Variants in LRCH3 observed in about 807,000 individuals in gnomAD.
The protein encoded by LRCH3 is DISP complex protein LRCH3.
LRCH3 carries 68 observed loss-of-function variants against 104.5 expected under a neutral mutation model. The observed-to-expected ratio is 0.65, with a 90% CI of 0.54 to 0.80. The LOEUF is 0.80. LRCH3 is among the 30% of genes least tolerant of loss of function. The probability of loss-of-function intolerance (pLI) is 0.00; values close to 1 mark genes in which losing one functional copy is unlikely to be tolerated. For synonymous variants in LRCH3, 344 were observed against 361.3 expected, an observed-to-expected ratio of 0.95 and a Z score of 0.54; for missense variants, 951 against 953.9, an observed-to-expected ratio of 1.00 and a Z score of 0.04.
chr3:197,816,793 G>T (rs900831562), intron 2 of LRCH3, among the ~76,000 whole-genome samples: 2 of 152,112 alleles, frequency 1.3e-5, no homozygotes, highest in African/African-American at 4.8e-5. Context: ...ATAATCTTCA[G>T]AAGTAAGGAG....
intron 8 of LRCH3, among the ~76,000 whole-genome samples, chr3:197,834,271 G>T (rs1370322085): frequency 1.3e-5 from 2 of 152,118 alleles, no homozygotes; most frequent in East Asian, 3.8e-4. Flanking sequence ...CTTAGCAGAT[G>T]AACAAGATGT....
At chr3:197,800,060 G>C (rs1224362028) in intron 1 of LRCH3, among the ~76,000 whole-genome samples, 1 of 151,764 alleles carries the variant, frequency 6.6e-6, no homozygotes, top group Non-Finnish European at 1.5e-5. Flanking sequence ...GTGCTGGCAG[G>C]TGTTTGTAAT....
chr3:197,837,756 C>T (rs1737049229), intron 9 of LRCH3, among the ~76,000 whole-genome samples: 1 of 151,606 alleles, frequency 6.6e-6, no homozygotes, highest in Non-Finnish European at 1.5e-5. Flanking sequence ...TATCATAAAA[C>T]TAGGATGGGG....
chr3:197,793,281 G>A (rs1374441930), intron 1 of LRCH3, among the ~76,000 whole-genome samples: 2 of 152,148 alleles, frequency 1.3e-5, no homozygotes, highest in Non-Finnish European at 2.9e-5. Context: ...TTAAATGCCT[G>A]CTTATTTAAT....
rs1735794667 is a variant in LRCH3, at chr3:197,830,545, T to A, written c.888-225T>A. The stretch of plus-strand genomic sequence containing the variant: ...ATTGGACGAACAAGAATTGCAGAGG[T>A]GTGATTGTTTTGAAGCTGGATAATA... On this transcript the variant is annotated intron_variant, in intron 6 of 20. Transcript: ENST00000425562. 7.8e-5 allele frequency: 33 copies of A among 423,724 alleles called. 1 individual carries two copies. In the South Asian group the frequency reaches 8.6e-4, roughly 11 times the overall value. 26.2% of individuals were successfully genotyped at this position (423,724 alleles called of 1,614,324 possible). A position where few individuals can be genotyped will look rare whatever the true frequency, so the allele number is the denominator to read the frequency against.
chr3:197,823,735 C>T (rs1291382507), intron 4 of LRCH3, among the ~76,000 whole-genome samples: 1 of 152,130 alleles, frequency 6.6e-6, no homozygotes, highest in African/African-American at 2.4e-5. Flanking sequence ...CCACCCACCT[C>T]AGCCTCCCAA....
intron 10 of LRCH3, among the ~76,000 whole-genome samples, chr3:197,843,053 C>A (rs1051678113): frequency 6.8e-6 from 1 of 147,438 alleles, no homozygotes; most frequent in Non-Finnish European, 1.5e-5. Context: ...CCACTGCATT[C>A]CAGCCTGGGT....
At chr3:197,801,089 C>A (rs1279665271) in intron 1 of LRCH3, among the ~76,000 whole-genome samples, 5 of 81,484 alleles carry the variant, frequency 6.1e-5, no homozygotes, top group African/African-American at 7.4e-5. Flanking sequence ...AGTGAGACTC[C>A]ATCTCAAAAA....
intron 5 of LRCH3, among the ~76,000 whole-genome samples, chr3:197,828,081 A>AG (rs914660131): frequency 1.3e-4 from 19 of 151,452 alleles, no homozygotes; most frequent in Non-Finnish European, 1.8e-4. Flanking sequence ...CGTCTCAAAA[A>AG]AAAAAAAAAA....
chr3:197,879,980 C>T (rs1226373814), intron 20 of LRCH3, among the ~76,000 whole-genome samples: 3 of 148,920 alleles, frequency 2.0e-5, no homozygotes, highest in South Asian at 2.1e-4. Flanking sequence ...GAGTCTCGCT[C>T]TGTCACCCAG....
chr3:197,801,488 G>T (rs75477067), intron 1 of LRCH3, among the ~76,000 whole-genome samples: 5,859 of 152,116 alleles, frequency 0.039, 206 homozygotes, highest in African/African-American at 0.085. Flanking sequence ...ATTTATGTTC[G>T]ACTTTTGTTG....
chr3:197,834,559 T>G (rs1466830383), intron 8 of LRCH3, among the ~76,000 whole-genome samples: 1 of 152,214 alleles, frequency 6.6e-6, no homozygotes, highest in Non-Finnish European at 1.5e-5. Context: ...GCCTTTGACT[T>G]TCTCTTGAGT....
chr3:197,831,069 C>T (rs1471271308), intron 7 of LRCH3: 1 of 449,982 alleles, frequency 2.2e-6, no homozygotes, highest in Non-Finnish European at 4.1e-6. Context: ...CCGCCTGTTT[C>T]CTCATTGCCT....
chr3:197,804,156 G>A (rs1732210977), intron 1 of LRCH3, among the ~76,000 whole-genome samples: 1 of 152,088 alleles, frequency 6.6e-6, no homozygotes, highest in African/African-American at 2.4e-5. Context: ...CTAGGTACTA[G>A]GGAGGCTGAG....
chr3:197,835,798 T>A lies in LRCH3; in HGVS notation c.1227T>A (p.Ile409=). 1.9e-6 allele frequency: 3 copies of A among 1,614,130 alleles called. No homozygotes were observed. The highest frequency in any genetic ancestry group is 2.5e-6 in the Non-Finnish European group (3 of 1,180,010). Residue 409 remains isoleucine (I), a synonymous_variant, in exon 9 of 21, where the codon ATT becomes ATA. Coordinates refer to ENST00000425562, the MANE Select transcript of LRCH3 (RefSeq NM_001365715.1). ...TTAGTTCACAGTTTATGGCGTATAT[T>A]GAACAGCGGCGAATCTCTCATGAGG... ...DSLSSQFMAY[I]EQRRISHEGS... is the part of the protein sequence containing the mutation.
chr3:197,791,882 T>C (rs768109851), intron 1 of LRCH3, among the ~76,000 whole-genome samples: 1 of 152,176 alleles, frequency 6.6e-6, no homozygotes, highest in Non-Finnish European at 1.5e-5. Flanking sequence ...GGGTGCCGAA[T>C]GGACCTGCTA....
intron 4 of LRCH3, among the ~76,000 whole-genome samples, chr3:197,822,533 C>T (rs1478704340): frequency 1.3e-5 from 2 of 152,138 alleles, no homozygotes; most frequent in African/African-American, 4.8e-5. Flanking sequence ...TTGTAGACTG[C>T]TGACAAAATG....
At chr3:197,871,640 A>G in intron 19 of LRCH3, 178 bp downstream of exon 19, 3 of 725,658 alleles carry the variant, frequency 4.1e-6, no homozygotes, top group Non-Finnish European at 6.5e-6. Flanking sequence ...AGCTACTTAC[A>G]GCAGTGCGAT....
chr3:197,802,718 G>C (rs1366208697), intron 1 of LRCH3, among the ~76,000 whole-genome samples: 1 of 152,112 alleles, frequency 6.6e-6, no homozygotes, highest in Non-Finnish European at 1.5e-5. Context: ...ATCTCGGGAG[G>C]TTCTATGTTC....
Sources: allele counts gnomAD v4.1 joint callset (sites outside exome capture counted in the v4.1 genomes callset), GRCh38; gene constraint gnomAD v4.1.1; transcripts MANE v1.5; gene names NCBI Gene and HGNC (gene_info 2026-07-23, HGNC 2026-07-21).